The following EPHA3 variants were observed in gnomAD, a reference collection of about 807,000 sequenced individuals.
EPHA3 encodes the protein EPH receptor A3.
In EPHA3, 42 loss-of-function variants were observed where a neutral mutation model predicts 107.1. The ratio of observed to expected loss-of-function variants is 0.39; its 90% CI spans 0.31 to 0.51. The LOEUF is 0.51. EPHA3 is among the 20% of genes least tolerant of loss of function. The pLI is 0.78. For synonymous variants in EPHA3, 461 were observed against 424.8 expected (o/e 1.09, Z -1.05); for missense variants, 1,183 against 1,211.2 (o/e 0.98, Z 0.35).
rs114241077 is a variant in EPHA3, at chr3:89,153,985, C to T, written c.153+26712C>T. Among the ~76,000 whole-genome samples the T allele has an allele frequency of 6.0e-3, 910 of 152,154 alleles. 7 individuals carry two copies. Among genetic ancestry groups the T allele is most frequent in the African/African-American group, 0.021 (852 of 41,530 alleles). ...GTCTGCTTTTATCTCTGAGCTTCAG[C>T]ACTTATTCTTCCCACTTCCTGCAAA... is the stretch of plus-strand genomic sequence containing the variant. On this transcript the variant is annotated intron_variant, in intron 2 of 16. Transcript: ENST00000336596.
At chr3:89,225,430 T>C (rs79774919) in intron 3 of EPHA3, among the ~76,000 whole-genome samples, 1,550 of 152,336 alleles carry the variant, frequency 0.01, 26 homozygotes, top group African/African-American at 0.035. Context: ...TACCATGTTA[T>C]ACATCTCAGC....
In EPHA3 at chr3:89,399,356, A is replaced by G. The variant is rs369947693; in HGVS notation, c.1470A>G (p.Arg490=). Residue 490 remains arginine, a synonymous_variant, in exon 7 of 17, where the codon AGA becomes AGG. Transcript: ENST00000336596. The part of the protein sequence containing the change: ...QETSYTILRA[R]GTNVTISSLK... ...CAAGTTATACCATTCTGAGGGCAAGAGGCACAAATGTTACCATCAGTAGCC... is the reference window on the plus strand; with the variant it reads ...CAAGTTATACCATTCTGAGGGCAAGGGGCACAAATGTTACCATCAGTAGCC... 1 of 1,613,630 alleles carries G rather than the reference A, an allele frequency of 6.2e-7. No homozygotes were observed.
chr3:89,173,584 G>T (rs1705255032), intron 2 of EPHA3, among the ~76,000 whole-genome samples: 1 of 152,034 alleles, frequency 6.6e-6, no homozygotes, highest in Non-Finnish European at 1.5e-5. Flanking sequence ...TATTAGCTAT[G>T]TAAAATCAAT....
At chr3:89,125,706 T>C (rs933598741) in intron 1 of EPHA3, among the ~76,000 whole-genome samples, 7 of 151,800 alleles carry the variant, frequency 4.6e-5, no homozygotes, top group African/African-American at 1.4e-4. Context: ...AAGTTTATGT[T>C]TGTCTTTCAC....
intron 13 of EPHA3, among the ~76,000 whole-genome samples, chr3:89,442,529 T>C (rs908607402): frequency 1.1e-4 from 16 of 152,242 alleles, no homozygotes; most frequent in African/African-American, 3.9e-4. Context: ...GTAATCTAGA[T>C]GACAGCGGCA....
At chr3:89,457,503 CTGA>C (rs1255063635) in intron 15 of EPHA3, among the ~76,000 whole-genome samples, 1 of 152,160 alleles carries the variant, frequency 6.6e-6, no homozygotes, top group Non-Finnish European at 1.5e-5. Flanking sequence ...AATCTAATGC[CTGA>C]TGATCTGAGG....
chr3:89,269,080 G>A (rs868353303), intron 3 of EPHA3, among the ~76,000 whole-genome samples: 2 of 152,116 alleles, frequency 1.3e-5, no homozygotes, highest in Non-Finnish European at 2.9e-5. Context: ...TCTACTTCGA[G>A]TGTTGCTTTT....
chr3:89,408,196 C>T lies in EPHA3; in HGVS notation c.1762+65C>T, dbSNP rs1406936294. On this transcript the variant is annotated intron_variant, in intron 9 of 16. Coordinates refer to ENST00000336596, the MANE Select transcript of EPHA3 (RefSeq NM_005233.6). ...TTTAGCTTTAGCAGTTATTGATTTA[C>T]AATTGGTTAACTTCCTCCTGACAAA... 2.0e-6 allele frequency: 3 copies of T among 1,501,772 alleles called. No individual in the cohort carries two copies. In the African/African-American group the frequency reaches 4.2e-5, roughly 21 times the overall value. 93.0% of individuals were successfully genotyped at this position (1,501,772 alleles called of 1,614,324 possible).
intron 15 of EPHA3, among the ~76,000 whole-genome samples, chr3:89,453,417 A>G (rs541112272): frequency 5.3e-5 from 8 of 152,122 alleles, no homozygotes; most frequent in Admixed American, 2.6e-4. Flanking sequence ...TTATTGAAAT[A>G]TATCAAATAC....
intron 10 of EPHA3, among the ~76,000 whole-genome samples, chr3:89,415,307 A>AC (rs1384614189): frequency 6.6e-6 from 1 of 150,864 alleles, no homozygotes; most frequent in Non-Finnish European, 1.5e-5. Flanking sequence ...GTTGGTATAT[A>AC]CATTTACCTA....
At chr3:89,390,718 A>G (rs1708709808) in intron 5 of EPHA3, among the ~76,000 whole-genome samples, 1 of 151,948 alleles carries the variant, frequency 6.6e-6, no homozygotes, top group Non-Finnish European at 1.5e-5. Context: ...AGGGAAGAAA[A>G]CACTGTGAGC....
At chr3:89,306,991 T>C (rs552862032) in intron 3 of EPHA3, among the ~76,000 whole-genome samples, 1 of 152,312 alleles carries the variant, frequency 6.6e-6, no homozygotes, top group African/African-American at 2.4e-5. Context: ...AAATCAGACA[T>C]AAAATTATCA....
At chr3:89,421,089 C>T (rs907092040) in intron 11 of EPHA3, among the ~76,000 whole-genome samples, 1 of 151,390 alleles carries the variant, frequency 6.6e-6, no homozygotes, top group African/African-American at 2.4e-5. Flanking sequence ...TTCTACTTGT[C>T]TTTTCCTGTA....
At chr3:89,376,540 A>G (rs1708408751) in intron 5 of EPHA3, among the ~76,000 whole-genome samples, 1 of 151,910 alleles carries the variant, frequency 6.6e-6, no homozygotes, top group South Asian at 2.1e-4. Flanking sequence ...GTTTCTGATG[A>G]TTCATATGGT....
At chr3:89,239,656 G>T (rs1237345537) in intron 3 of EPHA3, among the ~76,000 whole-genome samples, 1 of 152,100 alleles carries the variant, frequency 6.6e-6, no homozygotes, top group Non-Finnish European at 1.5e-5. Flanking sequence ...ACACATCACA[G>T]ACATTTATCA....
At chr3:89,408,569 A>C (rs565326311) in intron 9 of EPHA3, among the ~76,000 whole-genome samples, 1 of 152,208 alleles carries the variant, frequency 6.6e-6, no homozygotes, top group South Asian at 2.1e-4. Context: ...ACCAACCTAG[A>C]AAGAGCCTTT....
intron 2 of EPHA3, among the ~76,000 whole-genome samples, chr3:89,175,352 CA>C (rs1389665623): frequency 1.3e-5 from 2 of 151,956 alleles, no homozygotes; most frequent in Non-Finnish European, 2.9e-5. Flanking sequence ...TTATACCAAC[CA>C]TACCCAGATT....
At chr3:89,421,543 G>A (rs1027269708) in intron 11 of EPHA3, among the ~76,000 whole-genome samples, 1 of 151,064 alleles carries the variant, frequency 6.6e-6, no homozygotes, top group African/African-American at 2.4e-5. Flanking sequence ...TCTTCAACAT[G>A]TGTAATTAAG....
At chr3:89,287,076 T>C (rs1419302073) in intron 3 of EPHA3, among the ~76,000 whole-genome samples, 1 of 152,222 alleles carries the variant, frequency 6.6e-6, no homozygotes, top group Non-Finnish European at 1.5e-5. Context: ...ACTTTTCAAA[T>C]GGATTACTTA....
Sources: allele counts gnomAD v4.1 joint callset (sites outside exome capture counted in the v4.1 genomes callset), GRCh38; gene constraint gnomAD v4.1.1; transcripts MANE v1.5; gene names NCBI Gene and HGNC (gene_info 2026-07-23, HGNC 2026-07-21).